Variants in CHRM3 observed in about 807,000 individuals in gnomAD.
The protein encoded by CHRM3 is muscarinic acetylcholine receptor M3.
A neutral mutation model predicts 41.8 loss-of-function variants in CHRM3; 11 were observed. The observed-to-expected ratio is 0.26, with a 90% CI of 0.17 to 0.44. The LOEUF (loss-of-function observed/expected upper bound fraction) is 0.44, where lower values mean the gene tolerates loss of function less well. Ranked by LOEUF, CHRM3 falls within the 20% of genes least tolerant of loss-of-function variation. The pLI is 1.00. For missense variants in CHRM3, 571 were observed against 745.4 expected, an observed-to-expected ratio of 0.77 and a Z score of 2.72; for synonymous variants, 297 against 301.4, an observed-to-expected ratio of 0.99 and a Z score of 0.15.
chr1:239,447,318 A>C (rs1664222394), intron 1 of CHRM3, among the ~76,000 whole-genome samples: 1 of 152,162 alleles, frequency 6.6e-6, no homozygotes, highest in Non-Finnish European at 1.5e-5. Context: ...AAGAAAAAAA[A>C]CGGAGGAAGA....
chr1:239,799,430 C>T (rs900978473), intron 5 of CHRM3, among the ~76,000 whole-genome samples: 2 of 152,144 alleles, frequency 1.3e-5, no homozygotes, highest in African/African-American at 4.8e-5. Flanking sequence ...CAGGATCGAA[C>T]ACGCTGTTTT....
chr1:239,617,984 G>A (rs1667814244), intron 3 of CHRM3, among the ~76,000 whole-genome samples: 1 of 151,996 alleles, frequency 6.6e-6, no homozygotes, highest in African/African-American at 2.4e-5. Flanking sequence ...TGCTCATCCT[G>A]TATCTTAGCA....
intron 1 of CHRM3, among the ~76,000 whole-genome samples, chr1:239,435,823 C>G (rs949198379): frequency 1.3e-5 from 2 of 151,972 alleles, no homozygotes; most frequent in Non-Finnish European, 2.9e-5. Context: ...TGATATTTTG[C>G]ACTATTGGGC....
At chr1:239,455,809 T>C (rs1328116796) in intron 1 of CHRM3, among the ~76,000 whole-genome samples, 1 of 152,186 alleles carries the variant, frequency 6.6e-6, no homozygotes, top group South Asian at 2.1e-4. Flanking sequence ...ATAAATGTAG[T>C]GTAGCCTAAG....
intron 2 of CHRM3, among the ~76,000 whole-genome samples, chr1:239,504,235 T>C (rs919873100): frequency 2.2e-4 from 33 of 150,666 alleles, no homozygotes; most frequent in African/African-American, 2.4e-5. Flanking sequence ...AAACAAACAA[T>C]CCCATAAAAA....
At chr1:239,479,934 T>A (rs1275553167) in intron 1 of CHRM3, among the ~76,000 whole-genome samples, 1 of 152,180 alleles carries the variant, frequency 6.6e-6, no homozygotes, top group Non-Finnish European at 1.5e-5. Context: ...TAGGCTACAC[T>A]AAATTTATTT....
chr1:239,655,264 T>C (rs1244951241), intron 4 of CHRM3, among the ~76,000 whole-genome samples: 1 of 152,220 alleles, frequency 6.6e-6, no homozygotes, highest in Admixed American at 6.5e-5. Context: ...GCAAAATTTG[T>C]AGCTGAAATG....
chr1:239,497,790 CAATT>C (rs1322746116), intron 2 of CHRM3, among the ~76,000 whole-genome samples: 1 of 152,134 alleles, frequency 6.6e-6, no homozygotes, highest in Non-Finnish European at 1.5e-5. Flanking sequence ...TTATTTAAAA[CAATT>C]AAGACAGTAC....
chr1:239,466,731 T>C (rs1205362039), intron 1 of CHRM3, among the ~76,000 whole-genome samples: 3 of 152,114 alleles, frequency 2.0e-5, no homozygotes, highest in Non-Finnish European at 2.9e-5. Context: ...ACCAAAGTGT[T>C]GGGATTACAG....
chr1:239,530,954 A>G (rs993873795), intron 2 of CHRM3, among the ~76,000 whole-genome samples: 1 of 152,218 alleles, frequency 6.6e-6, no homozygotes, highest in African/African-American at 2.4e-5. Flanking sequence ...TGTGAAACAT[A>G]TCAATCTACA....
intron 6 of CHRM3, among the ~76,000 whole-genome samples, chr1:239,857,405 T>A (rs1050984100): frequency 1.3e-5 from 2 of 152,186 alleles, no homozygotes; most frequent in Non-Finnish European, 2.9e-5. Context: ...CTACCACGAA[T>A]AAGTTAAATA....
Position 239,880,962 on chromosome 1 carries a change from A to T in CHRM3, c.-19-26471A>T, listed in dbSNP as rs113923339. ...GAGGCTGGGGGCAAGATAGTAATAA[A>T]GACAGCAGGCAAGTGCTAAGTAAAA... On this transcript the variant is annotated intron_variant, in intron 6 of 6. Transcript: ENST00000676153. Among the ~76,000 whole-genome samples the T allele has an allele frequency of 3.9e-3, 589 of 152,270 alleles. 6 individuals are homozygous for T. Among genetic ancestry groups the T allele is most frequent in the African/African-American group, 0.013 (547 of 41,554 alleles).
intron 2 of CHRM3, among the ~76,000 whole-genome samples, chr1:239,521,554 T>C (rs1250147582): frequency 3.3e-5 from 5 of 152,200 alleles, no homozygotes; most frequent in African/African-American, 1.2e-4. Context: ...TCACTAAATA[T>C]TTCAAGTGAT....
chr1:239,733,273 G>C (rs183673451), intron 5 of CHRM3, among the ~76,000 whole-genome samples: 3 of 152,174 alleles, frequency 2.0e-5, no homozygotes, highest in Admixed American at 2.0e-4. Flanking sequence ...GAGACTGGGT[G>C]TGGCTCCAGC....
At chr1:239,661,763 C>T (rs891099289) in intron 4 of CHRM3, among the ~76,000 whole-genome samples, 4 of 151,942 alleles carry the variant, frequency 2.6e-5, no homozygotes, top group African/African-American at 7.3e-5. Flanking sequence ...TGTCAAAATC[C>T]ACAGAATGTA....
chr1:239,731,715 C>T (rs1222673278), intron 5 of CHRM3, among the ~76,000 whole-genome samples: 2 of 151,882 alleles, frequency 1.3e-5, no homozygotes, highest in African/African-American at 2.4e-5. Context: ...TAATTTAAAA[C>T]ATTTTAATTT....
At chr1:239,429,235 G>A (rs1290844751) in intron 1 of CHRM3, among the ~76,000 whole-genome samples, 5 of 152,094 alleles carry the variant, frequency 3.3e-5, no homozygotes, top group Admixed American at 6.5e-5. Context: ...TTTTGCCTGT[G>A]AAAATCTAGT....
At chr1:239,796,707 A>G (rs949597529) in intron 5 of CHRM3, among the ~76,000 whole-genome samples, 2 of 152,142 alleles carry the variant, frequency 1.3e-5, no homozygotes, top group Admixed American at 1.3e-4. Flanking sequence ...CCTTTTTAAA[A>G]AAACAGATTT....
chr1:239,420,674 T>G (rs1358011701), intron 1 of CHRM3, among the ~76,000 whole-genome samples: 1 of 152,200 alleles, frequency 6.6e-6, no homozygotes, highest in East Asian at 1.9e-4. Context: ...TTATGATAGA[T>G]AGGTATTGAT....
Sources: allele counts gnomAD v4.1 joint callset (sites outside exome capture counted in the v4.1 genomes callset), GRCh38; gene constraint gnomAD v4.1.1; transcripts MANE v1.5; gene names NCBI Gene and HGNC (gene_info 2026-07-23, HGNC 2026-07-21).